JMJD1C: variants seen among roughly 807,000 people sequenced by gnomAD.
JMJD1C encodes jumonji domain-containing protein 1C.
A neutral mutation model predicts 245.3 loss-of-function variants in JMJD1C; 31 were observed. That is an observed-to-expected ratio of 0.13 (90% CI 0.09 to 0.17). JMJD1C has a LOEUF of 0.17. Ranked by LOEUF, JMJD1C falls within the 10% of genes least tolerant of loss-of-function variation. JMJD1C has a pLI of 1.00. For synonymous variants in JMJD1C, 1,057 were observed against 1,017.4 expected, an observed-to-expected ratio of 1.04 and a Z score of -0.74; for missense variants, 2,691 against 3,000.2, an observed-to-expected ratio of 0.90 and a Z score of 2.41.
chr10:63,418,559 A>G (rs1949929628), intron 1 of JMJD1C, among the ~76,000 whole-genome samples: 1 of 152,198 alleles, frequency 6.6e-6, no homozygotes, highest in South Asian at 2.1e-4. Flanking sequence ...TCTTAAAGCC[A>G]TGCCAAAACC....
chr10:63,307,804 A>G (rs1171170772), intron 2 of JMJD1C, among the ~76,000 whole-genome samples: 1 of 152,158 alleles, frequency 6.6e-6, no homozygotes, highest in East Asian at 1.9e-4. Flanking sequence ...AGGTCTCAAT[A>G]CAGAGAAAAC....
intron 3 of JMJD1C, among the ~76,000 whole-genome samples, chr10:63,235,509 GAA>G (rs1346918161): frequency 6.6e-6 from 1 of 152,012 alleles, no homozygotes; most frequent in East Asian, 1.9e-4. Flanking sequence ...AAAAAAGAAA[GAA>G]AGAAAGAAAA....
intron 12 of JMJD1C, 83 bp downstream of exon 12, chr10:63,198,430 A>G (rs1845683968): frequency 1.2e-6 from 1 of 833,158 alleles, no homozygotes; most frequent in South Asian, 1.7e-5. Context: ...AGATAAGATT[A>G]GGGACTTCTT....
At position 63,208,674 on chromosome 10, in the gene JMJD1C, G is replaced by T; in HGVS notation, c.2995C>A (p.Pro999Thr). 1 of 1,613,996 alleles carries T rather than the reference G, an allele frequency of 6.2e-7. No individual in the cohort carries two copies. Among genetic ancestry groups the T allele is most frequent in the South Asian group, 1.1e-5 (1 of 91,078 alleles). The change falls in exon 10 of 26, where the codon CCA becomes ACA. Residue 999 changes from proline (P) to threonine (T), a missense_variant. By Grantham distance (38) the Pro-to-Thr change is conservative. This residue lies in a region of JMJD1C where 1,562 missense variants were observed against 1,490.7 expected (regional missense o/e 1.05). Coordinates refer to ENST00000399262, the MANE Select transcript of JMJD1C (RefSeq NM_032776.3). ...DCHLHRHFVDPVLNQLQRPPQ... is the reference protein window; with the variant it reads ...DCHLHRHFVDTVLNQLQRPPQ... ...GGCCTCTGTAACTGATTTAATACTGGATCCACAAAATGCCTATGTAAGTGA... is the reference window on the plus strand; with the variant it reads ...GGCCTCTGTAACTGATTTAATACTGTATCCACAAAATGCCTATGTAAGTGA...
chr10:63,236,540 T>C (rs1217065510), intron 3 of JMJD1C, among the ~76,000 whole-genome samples: 2 of 152,178 alleles, frequency 1.3e-5, no homozygotes, highest in East Asian at 1.9e-4. Flanking sequence ...TTTTACACAG[T>C]TGAGTCATCA....
intron 22 of JMJD1C, 86 bp downstream of exon 22, chr10:63,183,361 A>G (rs578094163): frequency 1.0e-4 from 123 of 1,220,494 alleles, no homozygotes; most frequent in Non-Finnish European, 1.3e-4. Context: ...CTTCGCTGTT[A>G]ACTCAGAAGC....
intron 3 of JMJD1C, among the ~76,000 whole-genome samples, chr10:63,258,143 C>T (rs946302355): frequency 1.3e-5 from 2 of 152,182 alleles, no homozygotes; most frequent in Non-Finnish European, 2.9e-5. Context: ...AAACTCTTTA[C>T]TGTATCATTT....
At chr10:63,209,395 T>G (rs1325566684) in intron 8 of JMJD1C, among the ~76,000 whole-genome samples, 160 bp from the exon 9 acceptor site, 2 of 152,162 alleles carry the variant, frequency 1.3e-5, no homozygotes, top group African/African-American at 4.8e-5. Flanking sequence ...ATACATCTTA[T>G]GAGAAATATT....
In JMJD1C at chr10:63,414,618, TA is replaced by T. The variant is rs1319004623; in HGVS notation, c.169-34137del. ...AAAATTTATTCTGCTCCGGGCACAG[TA>T]GATGATGCCTGTAATCCCAACACTT... On this transcript the variant is annotated intron_variant, in intron 1 of 25. Coordinates refer to ENST00000399262, the MANE Select transcript of JMJD1C (RefSeq NM_032776.3). 2.8e-4 allele frequency among the ~76,000 whole-genome samples: 42 copies of T among 152,068 alleles called. 1 individual carries two copies. Among genetic ancestry groups the T allele is most frequent in the Non-Finnish European group, 7.4e-5 (5 of 68,012 alleles).
chr10:63,380,186 G>A lies in JMJD1C; in HGVS notation c.333+132C>T, dbSNP rs762014308. 1.4e-5 allele frequency: 12 copies of A among 852,840 alleles called. No homozygotes were observed. In the African/African-American group the frequency reaches 1.7e-4, roughly 12 times the overall value. 52.8% of individuals were successfully genotyped at this position (852,840 alleles called of 1,614,324 possible). A position where few individuals can be genotyped will look rare whatever the true frequency, so the allele number is the denominator to read the frequency against. On this transcript the variant is annotated intron_variant, in intron 2 of 25. Transcript: ENST00000399262. ...CTCCAACTCCTGGCTTCAAGCAATT[G>A]TCCTGCTTCAGCCTCTCAAAGTGCT...
intron 2 of JMJD1C, among the ~76,000 whole-genome samples, chr10:63,331,890 G>C (rs908251280): frequency 6.6e-6 from 1 of 152,116 alleles, no homozygotes; most frequent in African/African-American, 2.4e-5. Flanking sequence ...AAAGTGCTGG[G>C]ATTACATACA....
chr10:63,520,505 CAAAAAA>C (rs34697427), intron 1 of JMJD1C, among the ~76,000 whole-genome samples: 1 of 111,334 alleles, frequency 9.0e-6, no homozygotes, highest in Non-Finnish European at 1.8e-5. Context: ...GGTACTGTCA[CAAAAAA>C]AAAAAAAAAA....
intron 1 of JMJD1C, among the ~76,000 whole-genome samples, chr10:63,458,750 G>T (rs1160168717): frequency 6.7e-6 from 1 of 149,460 alleles, no homozygotes; most frequent in East Asian, 2.0e-4. Flanking sequence ...TTGAGGAACA[G>T]TCTCACTTTG....
chr10:63,460,759 T>A lies in JMJD1C; in HGVS notation c.168+4736A>T, dbSNP rs75254956. ...AATCTATAAATACAGGAAAATAGCC[T>A]GTATGCTTTCAATTACATTGAAATA... On this transcript the variant is annotated intron_variant, in intron 1 of 25. Coordinates refer to ENST00000399262, the MANE Select transcript of JMJD1C (RefSeq NM_032776.3). Among the ~76,000 whole-genome samples, 186 of 152,308 alleles carry A rather than the reference T, an allele frequency of 1.2e-3. 3 individuals carry two copies. In the East Asian group the frequency reaches 0.028, roughly 23 times the overall value.
chr10:63,494,267 C>T (rs904081337), intron 1 of JMJD1C, among the ~76,000 whole-genome samples: 2 of 151,248 alleles, frequency 1.3e-5, no homozygotes, highest in Non-Finnish European at 2.9e-5. Flanking sequence ...GCTGAGATTG[C>T]GCCACTGCAC....
intron 3 of JMJD1C, among the ~76,000 whole-genome samples, chr10:63,234,418 T>C (rs2133422346): frequency 7.2e-6 from 1 of 138,260 alleles, no homozygotes; most frequent in East Asian, 2.1e-4. Flanking sequence ...TGCTTGAGCA[T>C]GGGAGGTAGA....
intron 1 of JMJD1C, among the ~76,000 whole-genome samples, chr10:63,439,673 A>G (rs1447973807): frequency 6.6e-6 from 1 of 152,172 alleles, no homozygotes; most frequent in East Asian, 1.9e-4. Flanking sequence ...AACAAAAGTC[A>G]CCTCAAATTA....
intron 2 of JMJD1C, among the ~76,000 whole-genome samples, chr10:63,331,774 C>A (rs1239428023): frequency 6.6e-6 from 1 of 152,104 alleles, no homozygotes; most frequent in African/African-American, 2.4e-5. Context: ...TGTGCCACCA[C>A]GCCCAACTAA....
chr10:63,259,246 A>T (rs1854381840), intron 3 of JMJD1C, among the ~76,000 whole-genome samples: 1 of 152,244 alleles, frequency 6.6e-6, no homozygotes, highest in African/African-American at 2.4e-5. Context: ...CACTTATGTC[A>T]AATATTTAAT....
Sources: allele counts gnomAD v4.1 joint callset (sites outside exome capture counted in the v4.1 genomes callset), GRCh38; gene constraint gnomAD v4.1.1; regional missense constraint gnomAD v4.1.1; transcripts MANE v1.5; gene names NCBI Gene and HGNC (gene_info 2026-07-23, HGNC 2026-07-21).